Variants in LRRC20 observed in about 807,000 individuals in gnomAD.
The protein encoded by LRRC20 is leucine rich repeat containing 20, also known as leucine-rich repeat-containing protein 20.
LRRC20 carries 11 observed loss-of-function variants against 14.4 expected under a neutral mutation model. That is an observed-to-expected ratio of 0.77 (90% CI 0.48 to 1.27). The LOEUF is 1.27. LRRC20 is among the 50% of genes most tolerant of loss of function. LRRC20 has a pLI of 0.00. For missense variants in LRRC20, 219 were observed against 251.2 expected (o/e 0.87, Z 0.87); for synonymous variants, 121 against 107.3 (o/e 1.13, Z -0.79).
chr10:70,368,641 G>T (rs112339586), intron 2 of LRRC20, among the ~76,000 whole-genome samples: 50 of 151,634 alleles, frequency 3.3e-4, no homozygotes, highest in Middle Eastern at 3.5e-3. Flanking sequence ...CGGCAGGGGG[G>T]ACTGAGTCTT....
chr10:70,339,945 AC>A, intron 3 of LRRC20, among the ~76,000 whole-genome samples: 1 of 151,776 alleles, frequency 6.6e-6, no homozygotes, highest in East Asian at 1.9e-4. Flanking sequence ...ACATGGTAAA[AC>A]CCCACCTCTA....
intron 4 of LRRC20, among the ~76,000 whole-genome samples, chr10:70,304,470 T>TTATATATATATATA (rs57284629): frequency 0.017 from 1,962 of 113,134 alleles, 46 homozygotes; most frequent in Non-Finnish European, 0.025. Context: ...GGCCACTTCT[T>TTATATATATATATA]TATATATATA....
At chr10:70,352,718 T>A (rs957507630) in intron 2 of LRRC20, among the ~76,000 whole-genome samples, 7 of 152,204 alleles carry the variant, frequency 4.6e-5, no homozygotes, top group African/African-American at 9.6e-5. Flanking sequence ...AACTCTTAAT[T>A]TTGCTTGTGA....
intron 2 of LRRC20, among the ~76,000 whole-genome samples, chr10:70,350,351 A>C (rs1303177536): frequency 1.3e-5 from 2 of 152,248 alleles, no homozygotes; most frequent in Non-Finnish European, 2.9e-5. Flanking sequence ...TTATTATTGC[A>C]AGAAGACCAA....
chr10:70,337,550 G>A (rs1842761705), intron 3 of LRRC20, among the ~76,000 whole-genome samples: 1 of 152,188 alleles, frequency 6.6e-6, no homozygotes, highest in Non-Finnish European at 1.5e-5. Flanking sequence ...ACAGATGCAT[G>A]GGCTAAGTAG....
intron 2 of LRRC20, among the ~76,000 whole-genome samples, chr10:70,345,674 C>T (rs1175742022): frequency 6.6e-6 from 1 of 152,044 alleles, no homozygotes; most frequent in Non-Finnish European, 1.5e-5. Flanking sequence ...ATATATAGCT[C>T]CTGATGTGTT....
Position 70,376,599 on chromosome 10 carries a change from G to A in LRRC20, c.-63-3C>T. 6.6e-7 allele frequency: 1 copy of A among 1,513,442 alleles called. No individual in the cohort carries two copies. 93.8% of individuals were successfully genotyped at this position (1,513,442 alleles called of 1,614,324 possible). ...GCTTCTCACAAAAGGGCCTGAGCCT[G>A]GGGAAGACGCAGTGCCATGAAGTGC... On this transcript the variant is annotated splice_polypyrimidine_tract_variant and splice_region_variant and intron_variant, in intron 1 of 4. Transcript: ENST00000446961.
In LRRC20 at chr10:70,321,066, G is replaced by A. The variant is rs182465156; in HGVS notation, c.400+2797C>T. Among the ~76,000 whole-genome samples the A allele has an allele frequency of 1.2e-4, 18 of 152,246 alleles. No homozygotes were observed. In the East Asian group the frequency reaches 3.5e-3, roughly 29 times the overall value. ...TGTCCTTCTGATTCACTTGGGTCTTGTTTCAGAGCTGCCTGTTCTCCACTT... is the reference window on the plus strand; with the variant it reads ...TGTCCTTCTGATTCACTTGGGTCTTATTTCAGAGCTGCCTGTTCTCCACTT... On this transcript the variant is annotated intron_variant, in intron 4 of 4. Coordinates refer to ENST00000446961, the MANE Select transcript of LRRC20 (RefSeq NM_001278212.2).
intron 4 of LRRC20, among the ~76,000 whole-genome samples, chr10:70,305,804 G>A (rs1233816452): frequency 6.7e-6 from 1 of 149,864 alleles, no homozygotes; most frequent in Non-Finnish European, 1.5e-5. Flanking sequence ...GCAGTGGCGT[G>A]ATCTCGGCTC....
At chr10:70,369,211 G>A (rs1844160651) in intron 2 of LRRC20, among the ~76,000 whole-genome samples, 2 of 152,334 alleles carry the variant, frequency 1.3e-5, no homozygotes, top group Admixed American at 1.3e-4. Flanking sequence ...AGGTGTGTGG[G>A]TGGGAGAAGG....
rs182301685 is a variant in LRRC20 at position 70,355,502 on chromosome 10, C to T, written c.83-14800G>A. 2.7e-4 allele frequency among the ~76,000 whole-genome samples: 41 copies of T among 152,140 alleles called. 1 individual carries two copies. The highest frequency in any genetic ancestry group is 2.5e-3 in the South Asian group (12 of 4,822). On this transcript the variant is annotated intron_variant, in intron 2 of 4. Coordinates refer to ENST00000446961, the MANE Select transcript of LRRC20 (RefSeq NM_001278212.2). ...CAATAGCACACACAGCTACTGGGCC[C>T]GGGAGGGTTGTCGGGAAGAGAAGGG...
At chr10:70,348,441 T>C (rs751498462) in intron 2 of LRRC20, among the ~76,000 whole-genome samples, 34 of 152,198 alleles carry the variant, frequency 2.2e-4, no homozygotes, top group South Asian at 4.1e-4. Flanking sequence ...ACACGGGGGA[T>C]GGGAATAATA....
At chr10:70,328,359 T>A (rs12356619) in intron 3 of LRRC20, among the ~76,000 whole-genome samples, 1 of 151,352 alleles carries the variant, frequency 6.6e-6, no homozygotes, top group South Asian at 2.1e-4. Flanking sequence ...TGCAGTGGTG[T>A]GATCTTGGCT....
intron 1 of LRRC20, 164 bp from the exon 2 acceptor site, chr10:70,376,760 A>G: frequency 1.8e-6 from 1 of 560,258 alleles, no homozygotes; most frequent in South Asian, 2.1e-5. Context: ...CTCAGGCCAC[A>G]TCCAGCTTGG....
At chr10:70,325,999 G>T (rs1842303823) in intron 3 of LRRC20, among the ~76,000 whole-genome samples, 1 of 152,102 alleles carries the variant, frequency 6.6e-6, no homozygotes, top group Non-Finnish European at 1.5e-5. Flanking sequence ...GCTCAATTTT[G>T]ATCTTTCCTT....
intron 2 of LRRC20, among the ~76,000 whole-genome samples, chr10:70,368,212 C>G (rs1469936066): frequency 7.6e-6 from 1 of 131,900 alleles, no homozygotes; most frequent in Non-Finnish European, 1.5e-5. Flanking sequence ...GGCTGAAGTG[C>G]AGTGGCACAA....
chr10:70,326,317 C>CAT (rs2136959437), intron 3 of LRRC20, among the ~76,000 whole-genome samples: 1 of 151,492 alleles, frequency 6.6e-6, no homozygotes, highest in African/African-American at 2.4e-5. Context: ...CACACACACA[C>CAT]ACACACACAC....
At chr10:70,329,478 T>C (rs1310234339) in intron 3 of LRRC20, among the ~76,000 whole-genome samples, 1 of 152,156 alleles carries the variant, frequency 6.6e-6, no homozygotes, top group Non-Finnish European at 1.5e-5. Flanking sequence ...GTAGTTTCCC[T>C]GTATTTCTAG....
chr10:70,347,690 C>T (rs11817350), intron 2 of LRRC20, among the ~76,000 whole-genome samples: 5 of 151,876 alleles, frequency 3.3e-5, no homozygotes, highest in South Asian at 4.2e-4. Context: ...TGTGGTGGCG[C>T]GTCCTATAAT....
Sources: allele counts gnomAD v4.1 joint callset (sites outside exome capture counted in the v4.1 genomes callset), GRCh38; gene constraint gnomAD v4.1.1; transcripts MANE v1.5; gene names NCBI Gene and HGNC (gene_info 2026-07-23, HGNC 2026-07-21).